The following ABCG1 variants were observed in gnomAD, a reference collection of about 807,000 sequenced individuals.
ABCG1 encodes the protein ATP binding cassette subfamily G member 1.
In ABCG1, 29 loss-of-function variants were observed where a neutral mutation model predicts 69.2. The observed-to-expected ratio is 0.42, with a 90% confidence interval of 0.31 to 0.57. The LOEUF (loss-of-function observed/expected upper bound fraction) is 0.57. Ranked by LOEUF, ABCG1 falls within the 20% of genes least tolerant of loss-of-function variation. The pLI, the probability that ABCG1 is intolerant of heterozygous loss-of-function variation, is 0.15. For missense variants in ABCG1, 718 were observed against 898.1 expected (o/e 0.80, Z 2.56); for synonymous variants, 370 against 374.8 (o/e 0.99, Z 0.15).
At chr21:42,248,295 G>A (rs2068163372) in intron 2 of ABCG1, among the ~76,000 whole-genome samples, 1 of 152,224 alleles carries the variant, frequency 6.6e-6, no homozygotes, top group Admixed American at 6.5e-5. Flanking sequence ...GTGTGAGAGT[G>A]GAGATGTGTC....
At chr21:42,268,285 C>T (rs2068550348) in intron 2 of ABCG1, among the ~76,000 whole-genome samples, 2 of 151,966 alleles carry the variant, frequency 1.3e-5, no homozygotes, top group Non-Finnish European at 1.5e-5. Context: ...GTCGCATCTT[C>T]GCTTTATATT....
At chr21:42,264,572 T>A (rs1048266546) in intron 2 of ABCG1, among the ~76,000 whole-genome samples, 1 of 146,508 alleles carries the variant, frequency 6.8e-6, no homozygotes, top group African/African-American at 2.8e-5. Flanking sequence ...CTTGAGTATC[T>A]ACACTGGGCC....
At position 42,224,766 on chromosome 21, in the gene ABCG1, T is replaced by C. The variant is rs2067787220; in HGVS notation, c.43-905T>C. On this transcript the variant is annotated intron_variant, in intron 1 of 14. Coordinates refer to ENST00000398449, the MANE Select transcript of ABCG1 (RefSeq NM_016818.3). The stretch of plus-strand genomic sequence containing the variant: ...TCTGTGTTTTGAAGGTACCTGAAGC[T>C]TATTGATTTGCTCACGGTTGCCAGG... Among the ~76,000 whole-genome samples, 2 of 152,198 alleles carry C rather than the reference T, an allele frequency of 1.3e-5. 1 individual carries two copies. Among genetic ancestry groups the C allele is most frequent in the South Asian group, 4.1e-4 (2 of 4,834 alleles).
At chr21:42,270,614 G>A (rs2068598550) in intron 2 of ABCG1, among the ~76,000 whole-genome samples, 1 of 152,100 alleles carries the variant, frequency 6.6e-6, no homozygotes, top group South Asian at 2.1e-4. Flanking sequence ...ATTTGTAGAT[G>A]CAGTAAGTGA....
intron 7 of ABCG1, 89 bp from the exon 8 acceptor site, chr21:42,285,791 G>A (rs538739492): frequency 1.9e-5 from 17 of 883,330 alleles, no homozygotes; most frequent in South Asian, 1.8e-4. Context: ...TTGATCGGTT[G>A]ATTGATTGGT....
chr21:42,282,520 G>A (rs979226809), intron 6 of ABCG1, 101 bp downstream of exon 6: 17 of 1,403,810 alleles, frequency 1.2e-5, no homozygotes, highest in East Asian at 5.0e-5. Context: ...AGCCTCAGAG[G>A]GGGTGAGTTG....
At chr21:42,236,955 G>C (rs1185228171) in intron 2 of ABCG1, among the ~76,000 whole-genome samples, 1 of 152,200 alleles carries the variant, frequency 6.6e-6, no homozygotes, top group Non-Finnish European at 1.5e-5. Context: ...CAGGTTTCCT[G>C]TTTCTGAAGA....
At chr21:42,227,098 G>C (rs1280367238) in intron 2 of ABCG1, among the ~76,000 whole-genome samples, 2 of 152,206 alleles carry the variant, frequency 1.3e-5, no homozygotes, top group African/African-American at 4.8e-5. Context: ...ACTGGTCCCT[G>C]GGATCTGCAA....
At chr21:42,249,851 A>T (rs898538614) in intron 2 of ABCG1, among the ~76,000 whole-genome samples, 1 of 152,022 alleles carries the variant, frequency 6.6e-6, no homozygotes. Flanking sequence ...CTAAAAATAC[A>T]AAAATTAGCC....
chr21:42,282,465 C>G, intron 6 of ABCG1, 46 bp downstream of exon 6: 1 of 1,574,536 alleles, frequency 6.4e-7, no homozygotes, highest in Non-Finnish European at 8.7e-7. Flanking sequence ...AGGAAGAACC[C>G]CCTGTATTCA....
Position 42,288,054 on chromosome 21 carries a change from G to A in ABCG1, c.1122+17G>A, listed in dbSNP as rs376798940. 2.1e-5 allele frequency: 33 copies of A among 1,605,870 alleles called. No individual in the cohort carries two copies. Among genetic ancestry groups the A allele is most frequent in the African/African-American group, 1.7e-4 (13 of 74,656 alleles). ...TCTGAAGAGGTAAAGCAGACAAAACGATTAAAGGGGTTGAGAAAGGTAATG... is the reference window on the plus strand; with the variant it reads ...TCTGAAGAGGTAAAGCAGACAAAACAATTAAAGGGGTTGAGAAAGGTAATG... On this transcript the variant is annotated intron_variant, in intron 9 of 14. Transcript: ENST00000398449. This position sits in a 1 kb window ranked among gnomAD's most constrained non-coding sequence, Gnocchi z 4.8.
Position 42,291,780 on chromosome 21 carries a change from C to A in ABCG1, c.1653+124C>A, listed in dbSNP as rs1261581123. 2 of 1,189,776 alleles carry A rather than the reference C, an allele frequency of 1.7e-6. No individual in the cohort carries two copies. Among genetic ancestry groups the A allele is most frequent in the South Asian group, 3.4e-5 (2 of 58,798 alleles). 73.7% of individuals were successfully genotyped at this position (1,189,776 alleles called of 1,614,324 possible). On this transcript the variant is annotated intron_variant, in intron 13 of 14. Coordinates refer to ENST00000398449, the MANE Select transcript of ABCG1 (RefSeq NM_016818.3). The surrounding 1 kb of genome is among the most constrained non-coding windows in gnomAD (Gnocchi z 6.4). ...CTGCCCTGACCCTCCTAGATGGGGT[C>A]GTTCCCACGGGAAGGGCCCGCATTG...
rs769061442 is a variant in ABCG1, at chr21:42,291,639, G to T, written c.1636G>T (p.Ala546Ser). 8.7e-6 allele frequency: 14 copies of T among 1,603,690 alleles called. No homozygotes were observed. The highest frequency in any genetic ancestry group is 1.2e-5 in the Non-Finnish European group (14 of 1,179,272). ...AQSLGLLIGA[A>S]STSLQVATFV... Reference sequence around the variant, plus strand: ...GTCCCTGGGCCTGCTGATCGGAGCCGCCTCCACGTCCCTGCAGGTGCCAGC... The same window carrying T: ...GTCCCTGGGCCTGCTGATCGGAGCCTCCTCCACGTCCCTGCAGGTGCCAGC... Residue 546 changes from alanine (A) to serine (S), a missense_variant, in exon 13 of 15, where the codon GCC becomes TCC. By Grantham distance (99) the Ala-to-Ser change is moderately conservative (BLOSUM62 1). Coordinates refer to ENST00000398449, the MANE Select transcript of ABCG1 (RefSeq NM_016818.3). This position sits in a 1 kb window ranked among gnomAD's most constrained non-coding sequence, Gnocchi z 6.4.
intron 2 of ABCG1, among the ~76,000 whole-genome samples, chr21:42,260,375 A>G (rs2068387201): frequency 6.6e-6 from 1 of 152,206 alleles, no homozygotes; most frequent in Non-Finnish European, 1.5e-5. Context: ...TCACCTGTGA[A>G]ACACAAGCCG....
At chr21:42,239,545 C>T (rs1189540359) in intron 2 of ABCG1, among the ~76,000 whole-genome samples, 1 of 152,242 alleles carries the variant, frequency 6.6e-6, no homozygotes, top group Non-Finnish European at 1.5e-5. Flanking sequence ...GAGCCTCACA[C>T]CTATGTGCTC....
At chr21:42,210,961 T>TCTTCTTC (rs753346243) in intron 2 of ABCG1, among the ~76,000 whole-genome samples, 2 of 140,604 alleles carry the variant, frequency 1.4e-5, no homozygotes, top group African/African-American at 5.4e-5. Flanking sequence ...TCTTTCTTCT[T>TCTTCTTC]TTTTTTTTTT....
intron 2 of ABCG1, among the ~76,000 whole-genome samples, chr21:42,255,635 C>T (rs1320382701): frequency 3.3e-5 from 5 of 152,206 alleles, no homozygotes; most frequent in African/African-American, 9.7e-5. Flanking sequence ...GCTGTGAGCT[C>T]TTCTCTTCCC....
In ABCG1 at chr21:42,276,878, G is replaced by A. The variant is rs1329931711; in HGVS notation, c.538-17G>A. Reference sequence around the variant, plus strand: ...CCGTCTGTTCTGCTTCCACACTGTTGTCCTTGTCCCCTGCAGGTGTCGGCA... The same window carrying A: ...CCGTCTGTTCTGCTTCCACACTGTTATCCTTGTCCCCTGCAGGTGTCGGCA... On this transcript the variant is annotated splice_polypyrimidine_tract_variant and intron_variant, in intron 4 of 14. Transcript: ENST00000398449. This position sits in a 1 kb window ranked among gnomAD's most constrained non-coding sequence, Gnocchi z 5.3. 1.2e-6 allele frequency: 2 copies of A among 1,613,944 alleles called. No homozygotes were observed. Among genetic ancestry groups the A allele is most frequent in the Non-Finnish European group, 8.5e-7 (1 of 1,179,970 alleles).
intron 2 of ABCG1, among the ~76,000 whole-genome samples, chr21:42,227,461 C>A (rs748364380): frequency 2.6e-5 from 4 of 152,172 alleles, no homozygotes; most frequent in Non-Finnish European, 5.9e-5. Flanking sequence ...TCCTGTCCGT[C>A]TGTTATGTGT....
Sources: gnomAD v4.1 joint callset for allele counts (sites outside exome capture counted in the v4.1 genomes callset) on GRCh38, gnomAD v4.1.1 for gene constraint, Gnocchi (gnomAD v3.1) non-coding constraint, MANE v1.5 for transcripts, NCBI Gene and HGNC (gene_info 2026-07-23, HGNC 2026-07-21) for gene names.